The following SLC67A1 variants were observed in gnomAD, a reference collection of about 807,000 sequenced individuals.
SLC67A1 encodes the protein solute carrier family 67 member 1, also known as solute carrier family 67 member A1.
the SLC67A1 span, chr11:2,925,089 C>T: frequency 6.2e-7 from 1 of 1,613,878 alleles, no homozygotes; most frequent in South Asian, 1.1e-5. The surrounding 1 kb of genome is among the most constrained non-coding windows in gnomAD (Gnocchi z 6.5). Context: ...TCCTGTACCG[C>T]AGCTTTGGCG....
chr11:2,909,503 G>A, the SLC67A1 span: 6 of 1,445,748 alleles, frequency 4.2e-6, no homozygotes, highest in African/African-American at 1.5e-5. Flanking sequence ...GGCGTGGCTT[G>A]TGGAGGGGCG....
chr11:2,903,584 G>A, the SLC67A1 span: 5 of 1,420,258 alleles, frequency 3.5e-6, no homozygotes, highest in South Asian at 1.2e-5. Flanking sequence ...GTGGGGGTGG[G>A]GGTTTCATGC....
At chr11:2,905,580 T>C in the SLC67A1 span, among the ~76,000 whole-genome samples, 1 of 152,242 alleles carries the variant, frequency 6.6e-6, no homozygotes, top group East Asian at 1.9e-4. Context: ...CTGTCATTGA[T>C]GGACATTTGG....
chr11:2,909,219 G>GGGCGGA, the SLC67A1 span: 2 of 1,539,090 alleles, frequency 1.3e-6, no homozygotes, highest in Non-Finnish European at 1.7e-6. Context: ...CGCGGGGCGC[G>GGGCGGA]GGCGGCGCTC....
At chr11:2,908,083 C>T in the SLC67A1 span, 210 of 605,222 alleles carry the variant, frequency 3.5e-4, 2 homozygotes, top group Admixed American at 4.2e-3. Flanking sequence ...AGCAGGGTCC[C>T]CCTGGGAAGG....
the SLC67A1 span, chr11:2,909,456 G>C: frequency 7.0e-7 from 1 of 1,432,072 alleles, no homozygotes; most frequent in Non-Finnish European, 9.1e-7. Context: ...CGCGGGGTCT[G>C]GCCCTAAGGG....
the SLC67A1 span, chr11:2,899,898 T>G: frequency 1.8e-6 from 1 of 570,324 alleles, no homozygotes; most frequent in Non-Finnish European, 3.0e-6. Flanking sequence ...TCATCCCATC[T>G]CCTCCTGCCG....
chr11:2,916,722 G>T, the SLC67A1 span: 3 of 1,613,004 alleles, frequency 1.9e-6, no homozygotes, highest in Non-Finnish European at 2.5e-6. Context: ...CAAAACTGAC[G>T]CCCAGGCTCC....
chr11:2,906,924 C>T, the SLC67A1 span, among the ~76,000 whole-genome samples: 8 of 150,248 alleles, frequency 5.3e-5, no homozygotes, highest in South Asian at 2.1e-4. Flanking sequence ...CTCACACTAG[C>T]GGCGCTGGGG....
At chr11:2,915,397 G>T in the SLC67A1 span, 1 of 263,410 alleles carries the variant, frequency 3.8e-6, no homozygotes, top group Non-Finnish European at 5.9e-6. Context: ...TGGGTGCAAG[G>T]GCATCTTCCA....
At chr11:2,902,584 C>G in the SLC67A1 span, 4,668 of 985,454 alleles carry the variant, frequency 4.7e-3, 20 homozygotes, top group Non-Finnish European at 5.3e-3. Context: ...GGTTCGGTAC[C>G]TCGGGGCTCA....
chr11:2,908,631 G>A, the SLC67A1 span, among the ~76,000 whole-genome samples: 1 of 152,198 alleles, frequency 6.6e-6, no homozygotes, highest in African/African-American at 2.4e-5. Flanking sequence ...GAGGGACTTT[G>A]GGGGCTCCAT....
At chr11:2,919,250 T>C in the SLC67A1 span, 4 of 1,275,424 alleles carry the variant, frequency 3.1e-6, no homozygotes, top group Non-Finnish European at 4.5e-6. Context: ...GGGAGGGAGG[T>C]GGGCGCCAAG....
chr11:2,901,849 T>A, the SLC67A1 span, among the ~76,000 whole-genome samples: 1 of 152,202 alleles, frequency 6.6e-6, no homozygotes, highest in African/African-American at 2.4e-5. Context: ...CTCTACAACC[T>A]CCCCTGACTT....
chr11:2,909,620 G>T, the SLC67A1 span: 3 of 1,532,008 alleles, frequency 2.0e-6, no homozygotes, highest in Non-Finnish European at 2.6e-6. Context: ...CCCGAGGAGC[G>T]GCCCGCGGCC....
At chr11:2,925,176 G>A in the SLC67A1 span, 4,057 of 1,613,474 alleles carry the variant, frequency 2.5e-3, 80 homozygotes, top group African/African-American at 0.047. This position sits in a 1 kb window ranked among gnomAD's most constrained non-coding sequence, Gnocchi z 6.5. Context: ...CTATGCCCCA[G>A]AGGAAGGACA....
the SLC67A1 span, chr11:2,916,824 C>CG: frequency 3.3e-6 from 4 of 1,205,884 alleles, no homozygotes; most frequent in Non-Finnish European, 4.9e-6. Flanking sequence ...CCAAGGGGTA[C>CG]GGGGGGCCTG....
chr11:2,907,264 C>T, the SLC67A1 span, among the ~76,000 whole-genome samples: 1 of 152,116 alleles, frequency 6.6e-6, no homozygotes, highest in Non-Finnish European at 1.5e-5. This position sits in a 1 kb window ranked among gnomAD's most constrained non-coding sequence, Gnocchi z 6.7. Context: ...AACAAAGTAT[C>T]CAAAACCCTG....
At chr11:2,916,778 G>A in the SLC67A1 span, 5 of 1,564,448 alleles carry the variant, frequency 3.2e-6, no homozygotes, top group South Asian at 2.2e-5. Context: ...AGATGCTGGG[G>A]CAATGGAAGG....
Sources: gnomAD v4.1 joint callset for allele counts (sites outside exome capture counted in the v4.1 genomes callset) on GRCh38, gnomAD v4.1.1 for gene constraint, Gnocchi (gnomAD v3.1) non-coding constraint, MANE v1.5 for transcripts, NCBI Gene and HGNC (gene_info 2026-07-23, HGNC 2026-07-21) for gene names.